AGAP3: variants seen among roughly 807,000 people sequenced by gnomAD.
The protein encoded by AGAP3 is ArfGAP with GTPase domain, ankyrin repeat and PH domain 3.
AGAP3 carries 24 observed loss-of-function variants against 96.9 expected under a neutral mutation model. That is an observed-to-expected ratio of 0.25 (90% confidence interval 0.18 to 0.35). The LOEUF (loss-of-function observed/expected upper bound fraction) is 0.35. AGAP3 is among the 10% of genes least tolerant of loss of function. AGAP3 has a pLI of 1.00. For missense variants in AGAP3, 876 were observed against 1,254.2 expected, an observed-to-expected ratio of 0.70 and a Z score of 4.55; for synonymous variants, 563 against 536.1, an observed-to-expected ratio of 1.05 and a Z score of -0.69.
At position 151,114,796 on chromosome 7, in the gene AGAP3, A is replaced by G. The variant is rs1269274383; in HGVS notation, c.332-1997A>G. 1 of 1,040,898 alleles carries G rather than the reference A, an allele frequency of 9.6e-7. No individual in the cohort carries two copies. The highest frequency in any genetic ancestry group is 1.2e-6 in the Non-Finnish European group (1 of 868,302). 64.5% of individuals were successfully genotyped at this position (1,040,898 alleles called of 1,614,324 possible). A position where few individuals can be genotyped will look rare whatever the true frequency, so the allele number is the denominator to read the frequency against. On this transcript the variant is annotated intron_variant, in intron 1 of 17. Transcript: ENST00000397238. The surrounding 1 kb of genome is among the most constrained non-coding windows in gnomAD (Gnocchi z 4.4). ...ATGGAGCGGGGCTGGCCGCAGGGGG[A>G]CAGCTGTCCCGGGGAGCGGCCCGCC...
chr7:151,125,881 C>G (rs1800138328), intron 9 of AGAP3, among the ~76,000 whole-genome samples: 2 of 152,358 alleles, frequency 1.3e-5, no homozygotes, highest in Admixed American at 6.5e-5. Flanking sequence ...TGGGGGCTGT[C>G]GCCTCCGCGC....
chr7:151,132,610 C>T (rs990565174), intron 10 of AGAP3, among the ~76,000 whole-genome samples: 2 of 152,220 alleles, frequency 1.3e-5, no homozygotes, highest in African/African-American at 4.8e-5. Context: ...CTCGGCGAGA[C>T]CCACAGGGCT....
intron 1 of AGAP3, among the ~76,000 whole-genome samples, chr7:151,093,918 C>T (rs1358651431): frequency 1.3e-5 from 2 of 152,128 alleles, no homozygotes; most frequent in Non-Finnish European, 2.9e-5. Flanking sequence ...ACAGGCCAGG[C>T]TTGGCTCCCT....
intron 9 of AGAP3, among the ~76,000 whole-genome samples, chr7:151,127,171 G>T (rs959016879): frequency 3.3e-5 from 5 of 152,180 alleles, no homozygotes; most frequent in Non-Finnish European, 7.3e-5. Context: ...ACTTAGAGGA[G>T]GAAGGTGCAG....
intron 3 of AGAP3, 83 bp from the exon 4 acceptor site, chr7:151,117,288 T>C (rs1273049292): frequency 6.9e-6 from 11 of 1,594,132 alleles, no homozygotes; most frequent in Admixed American, 3.3e-5. Context: ...TCCTCTTCCC[T>C]CCCGCATGGG....
chr7:151,109,939 G>A lies in AGAP3; in HGVS notation c.332-6854G>A, dbSNP rs28650070. Among the ~76,000 whole-genome samples the A allele has an allele frequency of 4.8e-3, 736 of 152,354 alleles. 3 individuals are homozygous for A. The highest frequency in any genetic ancestry group is 0.017 in the African/African-American group (707 of 41,586). ...TGCGGCCCTCCATGCTCACAGGGCT[G>A]GCCTGCACAGCACCTTTAGCTGGAA... On this transcript the variant is annotated intron_variant, in intron 1 of 17. Transcript: ENST00000397238.
intron 1 of AGAP3, among the ~76,000 whole-genome samples, chr7:151,100,695 A>G (rs1443094798): frequency 6.6e-6 from 1 of 152,120 alleles, no homozygotes. Flanking sequence ...TACATAAATT[A>G]GCTGGGTGTG....
chr7:151,115,076 C>T, intron 1 of AGAP3: 1 of 1,021,870 alleles, frequency 9.8e-7, no homozygotes. Context: ...CGCCCAGCCC[C>T]GCGTCCAGCC....
chr7:151,086,986 A>G lies in AGAP3; in HGVS notation c.245A>G (p.Asn82Ser), dbSNP rs776157764. Reference sequence around the variant, plus strand: ...CAGCGCTTCGAGTCCGTGCATCCCAATATCTACGCCATCTACGACCTGATC... The same window carrying G: ...CAGCGCTTCGAGTCCGTGCATCCCAGTATCTACGCCATCTACGACCTGATC... ...EIQRFESVHP[N>S]IYAIYDLIER... The change falls in exon 1 of 18, where the codon AAT (asparagine) becomes AGT (serine). Residue 82 changes from asparagine to serine, a missense_variant. By Grantham distance (46) the Asn-to-Ser change is conservative. This residue lies in a region of AGAP3 where 131 missense variants were observed against 304.5 expected (regional missense o/e 0.43). Transcript: ENST00000397238. 5 of 1,612,864 alleles carry G rather than the reference A, an allele frequency of 3.1e-6. No homozygotes were observed. The highest frequency in any genetic ancestry group is 1.1e-5 in the South Asian group (1 of 91,080).
In AGAP3 at chr7:151,144,224, C is replaced by T. The variant is rs1800934144; in HGVS notation, c.*281C>T. 1 of 444,058 alleles carries T rather than the reference C, an allele frequency of 2.3e-6. No homozygotes were observed. The highest frequency in any genetic ancestry group is 4.0e-6 in the Non-Finnish European group (1 of 248,018). The allele number at this position is 444,058 out of a possible 1,614,324, so 27.5% of individuals were successfully genotyped here. Reference sequence around the variant, plus strand: ...GAGGAGAGGGGAGCAGGACCTCTCCCTCCTCCAGATCCCTGCCTCCTAGTG... The same window carrying T: ...GAGGAGAGGGGAGCAGGACCTCTCCTTCCTCCAGATCCCTGCCTCCTAGTG... On this transcript the variant is annotated 3_prime_UTR_variant, in exon 18 of 18. Coordinates refer to ENST00000397238, the MANE Select transcript of AGAP3 (RefSeq NM_031946.7).
At chr7:151,092,522 C>G (rs1020951645) in intron 1 of AGAP3, among the ~76,000 whole-genome samples, 2 of 152,182 alleles carry the variant, frequency 1.3e-5, no homozygotes, top group Non-Finnish European at 2.9e-5. Flanking sequence ...AGCCCAGCCA[C>G]GTGCTTTGAG....
chr7:151,098,691 A>C (rs949053152), intron 1 of AGAP3, among the ~76,000 whole-genome samples: 21 of 151,340 alleles, frequency 1.4e-4, no homozygotes, highest in African/African-American at 5.1e-4. Flanking sequence ...GGTTGTAAAA[A>C]TTGAATACTG....
In AGAP3 at chr7:151,141,697, T is replaced by G. The variant is rs576472350; in HGVS notation, c.1805-201T>G. 1.3e-5 allele frequency: 8 copies of G among 615,292 alleles called. No individual in the cohort carries two copies. The highest frequency in any genetic ancestry group is 2.9e-5 in the Admixed American group (1 of 34,798). 38.1% of individuals were successfully genotyped at this position (615,292 alleles called of 1,614,324 possible). A position where few individuals can be genotyped will look rare whatever the true frequency, so the allele number is the denominator to read the frequency against. ...TCCACAGGTGGTTAGGAATGAGAAC[T>G]GGGAGCTCACACTAGTCTTGCAGGT... On this transcript the variant is annotated intron_variant, in intron 13 of 17. Transcript: ENST00000397238. This position sits in a 1 kb window ranked among gnomAD's most constrained non-coding sequence, Gnocchi z 4.2.
intron 1 of AGAP3, among the ~76,000 whole-genome samples, chr7:151,091,451 G>A (rs1162683144): frequency 6.6e-6 from 1 of 152,178 alleles, no homozygotes; most frequent in Non-Finnish European, 1.5e-5. Context: ...CCTACTGTGC[G>A]GCCCAGTTGC....
chr7:151,109,366 G>C (rs991486795), intron 1 of AGAP3, among the ~76,000 whole-genome samples: 2 of 152,122 alleles, frequency 1.3e-5, no homozygotes, highest in African/African-American at 4.8e-5. Context: ...AAAGTTTACT[G>C]TGTCACAGTT....
In AGAP3 at chr7:151,088,837, C is replaced by G. The variant is rs1259078316; in HGVS notation, c.331+1765C>G. 3.3e-5 allele frequency among the ~76,000 whole-genome samples: 5 copies of G among 152,174 alleles called. No individual in the cohort carries two copies. The East Asian group carries it at 9.6e-4, about 29-fold the overall frequency. Reference sequence around the variant, plus strand: ...TTTTTGCCTGATCTTAAATTTAACACAACAGGCAGAATTTCCCCTCCTAGA... The same window carrying G: ...TTTTTGCCTGATCTTAAATTTAACAGAACAGGCAGAATTTCCCCTCCTAGA... On this transcript the variant is annotated intron_variant, in intron 1 of 17. Coordinates refer to ENST00000397238, the MANE Select transcript of AGAP3 (RefSeq NM_031946.7).
In AGAP3 at chr7:151,143,072, A is replaced by G. The variant is rs1212127106; in HGVS notation, c.2274-269A>G. Among the ~76,000 whole-genome samples the G allele has an allele frequency of 6.6e-6, 1 of 152,054 alleles. No individual in the cohort carries two copies. Among genetic ancestry groups the G allele is most frequent in the African/African-American group, 2.4e-5 (1 of 41,400 alleles). On this transcript the variant is annotated intron_variant, in intron 16 of 17. Transcript: ENST00000397238. The surrounding 1 kb of genome is among the most constrained non-coding windows in gnomAD (Gnocchi z 5.9). Reference sequence around the variant, plus strand: ...CTGCCTGGAATCTTCCTGCCCTCTCAGCCCCCGCATCCCCACTGTCCCCAG... The same window carrying G: ...CTGCCTGGAATCTTCCTGCCCTCTCGGCCCCCGCATCCCCACTGTCCCCAG...
chr7:151,131,728 G>A (rs529505868), intron 10 of AGAP3, among the ~76,000 whole-genome samples: 2 of 152,318 alleles, frequency 1.3e-5, no homozygotes, highest in South Asian at 2.1e-4. Context: ...CCTTTCCCCC[G>A]AGGCCAGTTT....
chr7:151,123,875 C>A lies in AGAP3; in HGVS notation c.1210C>A (p.Pro404Thr). 6.2e-7 allele frequency: 1 copy of A among 1,608,628 alleles called. No individual in the cohort carries two copies. Among genetic ancestry groups the A allele is most frequent in the South Asian group, 1.1e-5 (1 of 91,080 alleles). ...CAGCATCGGGAGCGGCCGCGCCATCCCCATCAAGCAGGTCAGCGCCTCCCT... is the reference window on the plus strand; with the variant it reads ...CAGCATCGGGAGCGGCCGCGCCATCACCATCAAGCAGGTCAGCGCCTCCCT... ...VDSIGSGRAI[P>T]IKQGILLKRS... Residue 404 changes from proline to threonine, a missense_variant, in exon 9 of 18, where the codon CCC (proline) becomes ACC (threonine). By Grantham distance (38) the Pro-to-Thr change is conservative (BLOSUM62 -1). This residue lies in a region of AGAP3 where 49 missense variants were observed against 41.7 expected (regional missense o/e 1.17). Coordinates refer to ENST00000397238, the MANE Select transcript of AGAP3 (RefSeq NM_031946.7).
Sources: gnomAD v4.1 joint callset for allele counts (sites outside exome capture counted in the v4.1 genomes callset) on GRCh38, gnomAD v4.1.1 for gene constraint, gnomAD v4.1.1 regional missense constraint, Gnocchi (gnomAD v3.1) non-coding constraint, MANE v1.5 for transcripts, NCBI Gene and HGNC (gene_info 2026-07-23, HGNC 2026-07-21) for gene names.